The following PRH1 variants were observed in gnomAD, a reference collection of about 807,000 sequenced individuals.
The protein encoded by PRH1 is salivary acidic proline-rich phosphoprotein 1/2.
Under a neutral mutation model 7.9 loss-of-function variants are expected in PRH1, and 7 were observed. The observed-to-expected ratio is 0.89, with a 90% CI of 0.50 to 1.67. PRH1 has a LOEUF of 1.67. Among genes scored for constraint, PRH1 ranks in the 40% most tolerant of loss-of-function variants. The probability of loss-of-function intolerance (pLI) is 0.00; values close to 1 mark genes in which losing one functional copy is unlikely to be tolerated. For synonymous variants in PRH1, 45 were observed against 80.8 expected (o/e 0.56, Z 2.38); for missense variants, 109 against 223.6 (o/e 0.49, Z 3.27).
chr12:10,897,090 C>G (rs1949658024), intron 2 of PRH1: 2 of 152,126 alleles, frequency 1.3e-5, no homozygotes, highest in Non-Finnish European at 2.9e-5. Flanking sequence ...GTGAGCCCAG[C>G]TTTTACGTCC....
At chr12:11,168,071 T>C (rs1947636072) in intron 1 of PRH1, among the ~76,000 whole-genome samples, 1 of 151,574 alleles carries the variant, frequency 6.6e-6, no homozygotes, top group Non-Finnish European at 1.5e-5. Context: ...AAAGAGAGGT[T>C]TGAGGGGAGA....
At chr12:11,021,778 T>A in intron 1 of PRH1, 1 of 1,614,246 alleles carries the variant, frequency 6.2e-7, no homozygotes. Context: ...TGCAACAGTT[T>A]GGCAAAGCAG....
chr12:10,981,642 G>C (rs1284028755), intron 1 of PRH1, among the ~76,000 whole-genome samples: 1 of 151,980 alleles, frequency 6.6e-6, no homozygotes, highest in Non-Finnish European at 1.5e-5. Context: ...CCAAAGTGCT[G>C]GGATTACAGG....
chr12:11,099,751 A>G (rs1350749793), intron 1 of PRH1, among the ~76,000 whole-genome samples: 2 of 152,196 alleles, frequency 1.3e-5, no homozygotes, highest in East Asian at 3.8e-4. Flanking sequence ...TGTGAGATAT[A>G]TATGTCTAAT....
Position 11,134,421 on chromosome 12 carries a change from T to C in PRH1, n.40-13241A>G. On this transcript the variant is annotated intron_variant and non_coding_transcript_variant, in intron 1 of 1. Coordinates refer to the PRH1 transcript ENST00000541175. ...GTCAGAAATCACCATGGCATGCTAA[T>C]GGATAAGTTCAATGCTCTCTTTATG... is the stretch of plus-strand genomic sequence containing the variant. The C allele has an allele frequency of 7.8e-6, 6 of 770,410 alleles. No homozygotes were observed. In the South Asian group the frequency reaches 8.3e-5, roughly 11 times the overall value. 47.7% of individuals were successfully genotyped at this position (770,410 alleles called of 1,614,324 possible). A position where few individuals can be genotyped will look rare whatever the true frequency, so the allele number is the denominator to read the frequency against.
chr12:10,913,192 G>A (rs1304429649), intron 2 of PRH1, among the ~76,000 whole-genome samples: 15 of 152,098 alleles, frequency 9.9e-5, no homozygotes, highest in African/African-American at 2.4e-4. Context: ...TTAGCCTCAC[G>A]CCTGAAATCC....
intron 1 of PRH1, among the ~76,000 whole-genome samples, chr12:11,086,726 C>A (rs1944715399): frequency 8.5e-6 from 1 of 117,076 alleles, no homozygotes; most frequent in African/African-American, 2.9e-5. Context: ...CCAGCATGGC[C>A]AACACGGTGA....
chr12:11,101,621 T>A (rs1052854013), intron 1 of PRH1, among the ~76,000 whole-genome samples: 1 of 152,204 alleles, frequency 6.6e-6, no homozygotes, highest in Non-Finnish European at 1.5e-5. Context: ...AATTTTACAC[T>A]TAGAAATGTA....
chr12:11,113,416 T>G (rs1945645529), intron 1 of PRH1, among the ~76,000 whole-genome samples: 2 of 152,126 alleles, frequency 1.3e-5, no homozygotes, highest in South Asian at 4.1e-4. Context: ...GCCACACATC[T>G]ACAACCATCT....
At chr12:10,996,783 A>G in intron 1 of PRH1, 1 of 464,502 alleles carries the variant, frequency 2.2e-6, no homozygotes, top group East Asian at 3.3e-5. Context: ...TATTATATAT[A>G]TATACTTTTA....
intron 1 of PRH1, chr12:11,030,608 A>G (rs1281291173): frequency 6.2e-7 from 1 of 1,614,086 alleles, no homozygotes; most frequent in East Asian, 2.2e-5. Context: ...CATTATGGAC[A>G]GAAAGTAAAC....
chr12:10,911,602 T>C (rs919962819), intron 2 of PRH1, among the ~76,000 whole-genome samples: 4 of 152,228 alleles, frequency 2.6e-5, no homozygotes, highest in African/African-American at 9.6e-5. Context: ...TGTGTTAGGA[T>C]ATTTGCAGCT....
intron 1 of PRH1, among the ~76,000 whole-genome samples, chr12:11,007,552 T>C (rs1940886115): frequency 6.6e-6 from 1 of 152,158 alleles, no homozygotes; most frequent in African/African-American, 2.4e-5. Flanking sequence ...GTAAATACTC[T>C]TGACTCCCTC....
chr12:11,058,709 T>C (rs569532821), intron 1 of PRH1, among the ~76,000 whole-genome samples: 6 of 63,950 alleles, frequency 9.4e-5, no homozygotes, highest in Non-Finnish European at 2.1e-4. Context: ...GTGGGCATTA[T>C]AGGACTCTGT....
intron 1 of PRH1, among the ~76,000 whole-genome samples, chr12:11,104,312 G>C (rs1412827880): frequency 7.1e-6 from 1 of 139,922 alleles, no homozygotes. Flanking sequence ...TCACTCATAT[G>C]ATGATCACTC....
chr12:11,093,548 A>G (rs1210013150), intron 1 of PRH1, among the ~76,000 whole-genome samples: 1 of 115,462 alleles, frequency 8.7e-6, no homozygotes, highest in African/African-American at 2.9e-5. Context: ...ACATATCTCT[A>G]ATTCTTAGGA....
intron 1 of PRH1, among the ~76,000 whole-genome samples, chr12:10,985,684 A>G (rs1161557597): frequency 2.0e-5 from 3 of 152,136 alleles, no homozygotes; most frequent in Non-Finnish European, 4.4e-5. Context: ...ATTTTCTATA[A>G]TTTGGCATCT....
intron 2 of PRH1, among the ~76,000 whole-genome samples, chr12:10,965,638 A>C (rs566475399): frequency 1.3e-5 from 2 of 152,356 alleles, no homozygotes; most frequent in African/African-American, 4.8e-5. Context: ...CTGAAGTAGA[A>C]GTGAAACCGG....
At chr12:10,966,704 T>G (rs980186496) in intron 2 of PRH1, among the ~76,000 whole-genome samples, 1 of 152,096 alleles carries the variant, frequency 6.6e-6, no homozygotes, top group African/African-American at 2.4e-5. Context: ...CTAACTGATA[T>G]AGGTACTCTG....
Sources: allele counts gnomAD v4.1 joint callset (sites outside exome capture counted in the v4.1 genomes callset), GRCh38; gene constraint gnomAD v4.1.1; transcripts MANE v1.5; gene names NCBI Gene and HGNC (gene_info 2026-07-23, HGNC 2026-07-21).